Variants in PABPC1 observed in about 807,000 individuals in gnomAD.
PABPC1 encodes poly(A) binding protein cytoplasmic 1.
In PABPC1, 4 loss-of-function variants were observed where a neutral mutation model predicts 74.0. The ratio of observed to expected loss-of-function variants is 0.05; its 90% confidence interval spans 0.03 to 0.12. PABPC1 has a LOEUF of 0.12. Ranked by LOEUF, PABPC1 falls within the 10% of genes least tolerant of loss-of-function variation. PABPC1 has a pLI of 1.00. For synonymous variants in PABPC1, 227 were observed against 264.1 expected (o/e 0.86, Z 1.36); for missense variants, 271 against 821.1 (o/e 0.33, Z 8.19).
In PABPC1 at chr8:100,704,279, C is replaced by G. The variant is rs1320066875; in HGVS notation, c.*1+18G>C. The G allele has an allele frequency of 1.9e-6, 3 of 1,587,674 alleles. No individual in the cohort carries two copies. Among genetic ancestry groups the G allele is most frequent in the Non-Finnish European group, 2.6e-6 (3 of 1,156,194 alleles). On this transcript the variant is annotated intron_variant, in intron 14 of 14. Transcript: ENST00000318607. ...AAGAAAACAAGCTTAAAACAACAAA[C>G]CAGAGGGAAAAGCTCACTTTAAACA...
intron 1 of PABPC1, among the ~76,000 whole-genome samples, chr8:100,719,571 C>T (rs963106563): frequency 6.6e-6 from 1 of 152,106 alleles, no homozygotes; most frequent in African/African-American, 2.4e-5. Flanking sequence ...CATACAGAAA[C>T]TAGACAAATG....
At chr8:100,714,051 C>G (rs544733752) in intron 4 of PABPC1, among the ~76,000 whole-genome samples, 1 of 152,312 alleles carries the variant, frequency 6.6e-6, no homozygotes, top group African/African-American at 2.4e-5. Flanking sequence ...GGTGGTATCT[C>G]AGGCAAGTGG....
At chr8:100,717,920 T>C (rs780713258) in intron 2 of PABPC1, 32 bp from the exon 3 acceptor site, 1 of 1,461,360 alleles carries the variant, frequency 6.8e-7, no homozygotes, top group South Asian at 1.2e-5. Flanking sequence ...TTTTTCTTTA[T>C]TTGCTATTGA....
chr8:100,721,075 C>G lies in PABPC1; in HGVS notation c.193+316G>C, dbSNP rs1049591210. Among the ~76,000 whole-genome samples, 11 of 152,206 alleles carry G rather than the reference C, an allele frequency of 7.2e-5. No homozygotes were observed. The highest frequency in any genetic ancestry group is 2.7e-4 in the African/African-American group (11 of 41,462). On this transcript the variant is annotated intron_variant, in intron 1 of 14. Transcript: ENST00000318607. The surrounding 1 kb of genome is among the most constrained non-coding windows in gnomAD (Gnocchi z 7.4). ...TCAACGCCCCAGAATCCCGGGGCCA[C>G]TGGCGGGAGCGCCGCGGAGGAACCG... is the stretch of plus-strand genomic sequence containing the variant.
chr8:100,714,259 TTA>T (rs963283257), intron 4 of PABPC1, among the ~76,000 whole-genome samples: 2 of 152,234 alleles, frequency 1.3e-5, no homozygotes, highest in African/African-American at 4.8e-5. Context: ...CAGCTTCTAA[TTA>T]TAAGACATTA....
At chr8:100,719,649 G>A (rs1323372079) in intron 1 of PABPC1, among the ~76,000 whole-genome samples, 1 of 152,114 alleles carries the variant, frequency 6.6e-6, no homozygotes, top group Admixed American at 6.5e-5. Flanking sequence ...AATATATACT[G>A]TACACTGTAA....
rs1259896310 is a variant in PABPC1, at chr8:100,703,032, A to G, written c.*329T>C. 1 of 151,338 alleles carries G rather than the reference A, an allele frequency of 6.6e-6. No homozygotes were observed. The highest frequency in any genetic ancestry group is 2.0e-4 in the East Asian group (1 of 5,042). 9.4% of individuals were successfully genotyped at this position (151,338 alleles called of 1,614,324 possible). The stretch of plus-strand genomic sequence containing the variant: ...CTGACATTCTGAGCTATTCCACAGT[A>G]AAGAATTACAAAATTAAAGAAAGGA... On this transcript the variant is annotated 3_prime_UTR_variant, in exon 15 of 15. Transcript: ENST00000318607.
intron 7 of PABPC1, among the ~76,000 whole-genome samples, chr8:100,711,629 C>A (rs1015437924): frequency 6.6e-6 from 1 of 152,244 alleles, no homozygotes; most frequent in African/African-American, 2.4e-5. Flanking sequence ...AAAGCATAAT[C>A]TGAAACACAA....
intron 9 of PABPC1, among the ~76,000 whole-genome samples, chr8:100,707,429 C>G (rs967002396): frequency 3.9e-5 from 6 of 152,074 alleles, no homozygotes; most frequent in Admixed American, 2.6e-4. Flanking sequence ...TGAGTCATCT[C>G]CAATGATAGG....
intron 1 of PABPC1, among the ~76,000 whole-genome samples, chr8:100,719,388 GT>G (rs34795139): frequency 0.055 from 7,830 of 142,184 alleles, 640 homozygotes; most frequent in African/African-American, 0.18. Flanking sequence ...AGCTTCCCTA[GT>G]TTTTTTTTTT....
intron 14 of PABPC1, 100 bp downstream of exon 14, chr8:100,704,197 A>G (rs753520422): frequency 1.3e-5 from 12 of 894,410 alleles, no homozygotes; most frequent in Non-Finnish European, 2.2e-5. Context: ...ATGAACTGTA[A>G]AATGATCTTT....
chr8:100,711,303 A>G (rs778220907), intron 7 of PABPC1, among the ~76,000 whole-genome samples: 6 of 152,102 alleles, frequency 3.9e-5, no homozygotes, highest in Non-Finnish European at 5.9e-5. Flanking sequence ...AAAACACCTC[A>G]TAAGTTTAAG....
rs962282009 is a variant in PABPC1 at position 100,721,628 on chromosome 8, G to T, written c.-45C>A. ...GGGCCACAGGCCGCGACCTTTCCGTGAGAGGAGGAGAGCGAGTGCCGGGGC... is the reference window on the plus strand; with the variant it reads ...GGGCCACAGGCCGCGACCTTTCCGTTAGAGGAGGAGAGCGAGTGCCGGGGC... On this transcript the variant is annotated 5_prime_UTR_variant, in exon 1 of 15. Transcript: ENST00000318607. The surrounding 1 kb of genome is among the most constrained non-coding windows in gnomAD (Gnocchi z 7.4). 7 of 1,390,848 alleles carry T rather than the reference G, an allele frequency of 5.0e-6. No individual in the cohort carries two copies. The highest frequency in any genetic ancestry group is 6.6e-6 in the Non-Finnish European group (7 of 1,052,980). 86.2% of individuals were successfully genotyped at this position (1,390,848 alleles called of 1,614,324 possible).
At chr8:100,714,107 A>T (rs575087332) in intron 4 of PABPC1, among the ~76,000 whole-genome samples, 84 of 152,262 alleles carry the variant, frequency 5.5e-4, no homozygotes, top group Non-Finnish European at 1.3e-4. Flanking sequence ...AATTTAGAAG[A>T]TGTATGGGCC....
chr8:100,712,473 G>T lies in PABPC1; in HGVS notation c.877-16C>A. 1 of 1,426,974 alleles carries T rather than the reference G, an allele frequency of 7.0e-7. No individual in the cohort carries two copies. The highest frequency in any genetic ancestry group is 1.4e-5 in the African/African-American group (1 of 69,444). The allele number at this position is 1,426,974 out of a possible 1,614,324, so 88.4% of individuals were successfully genotyped here. A position where few individuals can be genotyped will look rare whatever the true frequency, so the allele number is the denominator to read the frequency against. On this transcript the variant is annotated splice_polypyrimidine_tract_variant and intron_variant, in intron 6 of 14. Coordinates refer to ENST00000318607, the MANE Select transcript of PABPC1 (RefSeq NM_002568.4). ...GATTAACACCCTAAAAAGAAGAAAAGAAAACTATAGAAAAAGAAAACCATG... is the reference window on the plus strand; with the variant it reads ...GATTAACACCCTAAAAAGAAGAAAATAAAACTATAGAAAAAGAAAACCATG...
At chr8:100,715,642 T>G (rs959796839) in intron 3 of PABPC1, 41 bp from the exon 4 acceptor site, 2 of 1,460,368 alleles carry the variant, frequency 1.4e-6, no homozygotes, top group Middle Eastern at 1.8e-4. Context: ...GATTCTATTT[T>G]ATAAAGTTCA....
chr8:100,716,225 G>A (rs150146225), intron 3 of PABPC1, among the ~76,000 whole-genome samples: 1 of 152,282 alleles, frequency 6.6e-6, no homozygotes, highest in East Asian at 1.9e-4. Flanking sequence ...CCAACATGGT[G>A]AAACTGTCTC....
intron 7 of PABPC1, among the ~76,000 whole-genome samples, chr8:100,710,785 G>C (rs1018554247): frequency 1.3e-5 from 2 of 151,082 alleles, no homozygotes; most frequent in African/African-American, 2.4e-5. Context: ...TCAGGAGTTC[G>C]AGACCAGCCT....
At chr8:100,716,703 G>A (rs1219244395) in intron 3 of PABPC1, among the ~76,000 whole-genome samples, 1 of 152,186 alleles carries the variant, frequency 6.6e-6, no homozygotes, top group Non-Finnish European at 1.5e-5. Flanking sequence ...TTTTTTAAGA[G>A]ACAAGGTCTT....
Sources: allele counts gnomAD v4.1 joint callset (sites outside exome capture counted in the v4.1 genomes callset), GRCh38; gene constraint gnomAD v4.1.1; non-coding constraint Gnocchi (gnomAD v3.1); transcripts MANE v1.5; gene names NCBI Gene and HGNC (gene_info 2026-07-23, HGNC 2026-07-21).